MFNG: variants seen among roughly 807,000 people sequenced by gnomAD.
MFNG encodes the protein beta-1,3-N-acetylglucosaminyltransferase manic fringe.
Under a neutral mutation model 34.2 loss-of-function variants are expected in MFNG, and 24 were observed. The ratio of observed to expected loss-of-function variants is 0.70; its 90% CI spans 0.51 to 0.99. MFNG has a LOEUF of 0.99. MFNG is among the 50% of genes least tolerant of loss of function. MFNG has a pLI of 0.00. For missense variants in MFNG, 383 were observed against 424.0 expected (o/e 0.90, Z 0.85); for synonymous variants, 158 against 179.2 (o/e 0.88, Z 0.94).
chr22:37,478,535 CCT>C lies in MFNG; in HGVS notation c.561+808_561+809del, dbSNP rs758035668. On this transcript the variant is annotated intron_variant, in intron 4 of 7. Transcript: ENST00000356998. ...AGGAACTGAGGCGGGTACAGAGCCC[CCT>C]GTTTTGCCAGGTGTCGACTCTTCAG... Among the ~76,000 whole-genome samples the C allele has an allele frequency of 1.5e-3, 228 of 152,286 alleles. 2 individuals carry two copies. Among genetic ancestry groups the C allele is most frequent in the Non-Finnish European group, 2.5e-3 (169 of 68,014 alleles).
intron 4 of MFNG, among the ~76,000 whole-genome samples, chr22:37,477,238 G>A (rs974018774): frequency 6.6e-6 from 1 of 152,162 alleles, no homozygotes; most frequent in African/African-American, 2.4e-5. Flanking sequence ...AGTTAAAGGG[G>A]ACAGGTGTTG....
At chr22:37,474,432 G>T in intron 6 of MFNG, 80 bp downstream of exon 6, 1 of 1,512,926 alleles carries the variant, frequency 6.6e-7, no homozygotes, top group Non-Finnish European at 9.0e-7. Context: ...TCTTTCAAAC[G>T]CCAGGAGGGA....
At chr22:37,473,784 C>A (rs1210004003) in intron 6 of MFNG, among the ~76,000 whole-genome samples, 1 of 152,232 alleles carries the variant, frequency 6.6e-6, no homozygotes, top group Non-Finnish European at 1.5e-5. Context: ...GATGGGCCAA[C>A]TTGGGGGAGA....
Position 37,480,142 on chromosome 22 carries a change from G to A in MFNG, c.407+55C>T. On this transcript the variant is annotated intron_variant, in intron 3 of 7. Transcript: ENST00000356998. ...AAGTCAGACCCCAGGAGTCCCAGGG[G>A]TTATTTTCACTGGGCCCAGACCACA... is the stretch of plus-strand genomic sequence containing the variant. The A allele has an allele frequency of 4.2e-6, 6 of 1,432,850 alleles. No individual in the cohort carries two copies. The South Asian group carries it at 5.1e-5, about 12-fold the overall frequency. 88.8% of individuals were successfully genotyped at this position (1,432,850 alleles called of 1,614,324 possible). A position where few individuals can be genotyped will look rare whatever the true frequency, so the allele number is the denominator to read the frequency against.
At position 37,483,401 on chromosome 22, in the gene MFNG, C is replaced by T. The variant is rs1355056176; in HGVS notation, c.255+2522G>A. The stretch of plus-strand genomic sequence containing the variant: ...AAGAAACCAGGCCTTTCCTACCCTG[C>T]CCTCGACAAACTTTTGCCACCAAAC... On this transcript the variant is annotated intron_variant, in intron 1 of 7. Coordinates refer to ENST00000356998, the MANE Select transcript of MFNG (RefSeq NM_002405.4). This position sits in a 1 kb window ranked among gnomAD's most constrained non-coding sequence, Gnocchi z 4.5. 2.0e-5 allele frequency among the ~76,000 whole-genome samples: 3 copies of T among 151,846 alleles called. No homozygotes were observed. The highest frequency in any genetic ancestry group is 4.4e-5 in the Non-Finnish European group (3 of 68,000).
chr22:37,485,797 C>T lies in MFNG; in HGVS notation c.255+126G>A. ...GAAGAAGGAGAGAGGAAGAGGATCCCTGATTAGGCAGGTATTGAGCAGCTT... is the reference window on the plus strand; with the variant it reads ...GAAGAAGGAGAGAGGAAGAGGATCCTTGATTAGGCAGGTATTGAGCAGCTT... On this transcript the variant is annotated intron_variant, in intron 1 of 7. Transcript: ENST00000356998. The surrounding 1 kb of genome is among the most constrained non-coding windows in gnomAD (Gnocchi z 5.3). 8.5e-7 allele frequency: 1 copy of T among 1,181,218 alleles called. No individual in the cohort carries two copies. Among genetic ancestry groups the T allele is most frequent in the Non-Finnish European group, 1.2e-6 (1 of 854,524 alleles). 73.2% of individuals were successfully genotyped at this position (1,181,218 alleles called of 1,614,324 possible).
chr22:37,481,213 C>T (rs1046685951), intron 1 of MFNG: 8 of 168,912 alleles, frequency 4.7e-5, no homozygotes, highest in East Asian at 1.8e-4. Context: ...TGGGACACCA[C>T]GCCACTAGGG....
rs1922077121 is a variant in MFNG at position 37,477,085 on chromosome 22, C to G, written c.562-104G>C. On this transcript the variant is annotated intron_variant, in intron 4 of 7. Transcript: ENST00000356998. ...CCCCCAACCAGCATGGCTCAAAAGC[C>G]CTTTATTTTGAATCTCACTAGAGTC... 2.8e-5 allele frequency: 26 copies of G among 932,866 alleles called. No individual in the cohort carries two copies. In the South Asian group the frequency reaches 3.2e-4, roughly 11 times the overall value. The allele number at this position is 932,866 out of a possible 1,614,324, so 57.8% of individuals were successfully genotyped here. A position where few individuals can be genotyped will look rare whatever the true frequency, so the allele number is the denominator to read the frequency against.
At chr22:37,471,830 CAAAA>C (rs913243094) in intron 7 of MFNG, among the ~76,000 whole-genome samples, 5 of 35,492 alleles carry the variant, frequency 1.4e-4, no homozygotes, top group South Asian at 3.3e-3. Context: ...GGCTCCATCT[CAAAA>C]AAAAAAAAAA....
intron 7 of MFNG, among the ~76,000 whole-genome samples, chr22:37,471,361 A>T (rs1421557292): frequency 1.3e-5 from 2 of 152,220 alleles, no homozygotes; most frequent in African/African-American, 4.8e-5. Flanking sequence ...CTGCCACAGG[A>T]GGGAGGAACT....
chr22:37,478,127 T>C (rs1922124186), intron 4 of MFNG, among the ~76,000 whole-genome samples: 1 of 152,090 alleles, frequency 6.6e-6, no homozygotes, highest in African/African-American at 2.4e-5. Flanking sequence ...AAGAATTTAA[T>C]TAAGGCTCAG....
chr22:37,471,424 G>A (rs1284002174), intron 7 of MFNG, among the ~76,000 whole-genome samples: 1 of 152,200 alleles, frequency 6.6e-6, no homozygotes, highest in Admixed American at 6.5e-5. Context: ...TGGCAGAGAT[G>A]CTGGGAAGGG....
rs1922395370 is a variant in MFNG, at chr22:37,483,561, A to G, written c.255+2362T>C. Among the ~76,000 whole-genome samples the G allele has an allele frequency of 6.6e-6, 1 of 151,644 alleles. No individual in the cohort carries two copies. Among genetic ancestry groups the G allele is most frequent in the Non-Finnish European group, 1.5e-5 (1 of 67,978 alleles). Reference sequence around the variant, plus strand: ...TTTGGGAGGCCAAGGCAGGTGGATCATTTGAGGCCAGGAGTTCAAGACCAG... The same window carrying G: ...TTTGGGAGGCCAAGGCAGGTGGATCGTTTGAGGCCAGGAGTTCAAGACCAG... On this transcript the variant is annotated intron_variant, in intron 1 of 7. Transcript: ENST00000356998. The surrounding 1 kb of genome is among the most constrained non-coding windows in gnomAD (Gnocchi z 4.5).
At chr22:37,477,029 T>G (rs1922075083) in intron 4 of MFNG, 48 bp from the exon 5 acceptor site, 2 of 1,557,776 alleles carry the variant, frequency 1.3e-6, no homozygotes, top group Non-Finnish European at 8.9e-7. Flanking sequence ...GTGGCAGTTG[T>G]GGGGAAAAGG....
Position 37,469,767 on chromosome 22 carries a change from GCTGT to G in MFNG, c.*192_*195del, listed in dbSNP as rs1209514280. The G allele has an allele frequency of 4.3e-6, 3 of 693,178 alleles. No individual in the cohort carries two copies. The highest frequency in any genetic ancestry group is 8.1e-6 in the Non-Finnish European group (3 of 370,586). The allele number at this position is 693,178 out of a possible 1,614,324, so 42.9% of individuals were successfully genotyped here. A position where few individuals can be genotyped will look rare whatever the true frequency, so the allele number is the denominator to read the frequency against. Reference sequence around the variant, plus strand: ...CCACCTGGTCCACCTGGTCCCCTGGGCTGTCTAACTCACCTCCCAGGGGCCTGGG... The same window carrying G: ...CCACCTGGTCCACCTGGTCCCCTGGGCTAACTCACCTCCCAGGGGCCTGGG... On this transcript the variant is annotated 3_prime_UTR_variant, in exon 8 of 8. Transcript: ENST00000356998.
intron 6 of MFNG, among the ~76,000 whole-genome samples, chr22:37,473,298 G>A (rs976423623): frequency 6.6e-6 from 1 of 152,036 alleles, no homozygotes; most frequent in Non-Finnish European, 1.5e-5. Flanking sequence ...GCATGGTGGT[G>A]GGTGCCTGTA....
rs1376101025 is a variant in MFNG, at chr22:37,485,117, C to T, written c.255+806G>A. ...GAAGGGACTTGGCTCGCCGGAGCCG[C>T]ACAGCCATGTGACAGACATGCCTCT... On this transcript the variant is annotated intron_variant, in intron 1 of 7. Coordinates refer to ENST00000356998, the MANE Select transcript of MFNG (RefSeq NM_002405.4). This position sits in a 1 kb window ranked among gnomAD's most constrained non-coding sequence, Gnocchi z 5.3. Among the ~76,000 whole-genome samples, 1 of 152,184 alleles carries T rather than the reference C, an allele frequency of 6.6e-6. No individual in the cohort carries two copies. The highest frequency in any genetic ancestry group is 1.5e-5 in the Non-Finnish European group (1 of 68,028).
intron 5 of MFNG, among the ~76,000 whole-genome samples, chr22:37,475,312 C>G (rs1000954889): frequency 2.6e-5 from 4 of 152,194 alleles, no homozygotes; most frequent in Admixed American, 2.6e-4. Context: ...CAATCTCCGC[C>G]TCCTGGGTTT....
At position 37,482,918 on chromosome 22, in the gene MFNG, T is replaced by C. The variant is rs1229220116; in HGVS notation, c.256-2149A>G. Among the ~76,000 whole-genome samples the C allele has an allele frequency of 6.6e-6, 1 of 152,194 alleles. No homozygotes were observed. Among genetic ancestry groups the C allele is most frequent in the Non-Finnish European group, 1.5e-5 (1 of 68,024 alleles). ...GCCTAGACCCTGGTCCGCTTCTCCA[T>C]GAAGCCCACTCCGTCAGTGACGCCA... On this transcript the variant is annotated intron_variant, in intron 1 of 7. Transcript: ENST00000356998. The surrounding 1 kb of genome is among the most constrained non-coding windows in gnomAD (Gnocchi z 4.1).
Sources: allele counts gnomAD v4.1 joint callset (sites outside exome capture counted in the v4.1 genomes callset), GRCh38; gene constraint gnomAD v4.1.1; non-coding constraint Gnocchi (gnomAD v3.1); transcripts MANE v1.5; gene names NCBI Gene and HGNC (gene_info 2026-07-23, HGNC 2026-07-21).